The following CDC45 variants were observed in gnomAD, a reference collection of about 807,000 sequenced individuals.
CDC45 encodes the protein cell division control protein 45 homolog.
In CDC45, 54 loss-of-function variants were observed where a neutral mutation model predicts 77.8. The ratio of observed to expected loss-of-function variants is 0.69; its 90% CI spans 0.56 to 0.87. CDC45 has a LOEUF of 0.87. Among genes scored for constraint, CDC45 ranks in the 40% least tolerant of loss-of-function variants. The pLI is 0.00. For synonymous variants in CDC45, 260 were observed against 272.1 expected, an observed-to-expected ratio of 0.96 and a Z score of 0.44; for missense variants, 649 against 721.6, an observed-to-expected ratio of 0.90 and a Z score of 1.15.
intron 5 of CDC45, among the ~76,000 whole-genome samples, chr22:19,490,981 C>T (rs1210260884): frequency 1.3e-5 from 2 of 151,910 alleles, no homozygotes; most frequent in African/African-American, 4.8e-5. Context: ...GTGTGTGCCA[C>T]CATGCCCGGC....
At chr22:19,515,819 C>T (rs1315121534) in intron 15 of CDC45, among the ~76,000 whole-genome samples, 1 of 152,118 alleles carries the variant, frequency 6.6e-6, no homozygotes, top group Non-Finnish European at 1.5e-5. Context: ...TTTCCTCATC[C>T]GTGAAATGGG....
intron 15 of CDC45, among the ~76,000 whole-genome samples, chr22:19,515,463 C>T (rs1933733506): frequency 6.6e-6 from 1 of 152,314 alleles, no homozygotes; most frequent in Middle Eastern, 3.4e-3. Context: ...GTGGAACACA[C>T]TCCTAACTTG....
At position 19,506,361 on chromosome 22, in the gene CDC45, CAGGGA is replaced by C. The variant is rs13447256; in HGVS notation, c.824+881_824+885del. Among the ~76,000 whole-genome samples, 630 of 152,180 alleles carry C rather than the reference CAGGGA, an allele frequency of 4.1e-3. 5 individuals carry two copies. The highest frequency in any genetic ancestry group is 0.014 in the African/African-American group (594 of 41,520). Reference sequence around the variant, plus strand: ...GCGTGGCAGGGTGGGCTCACTTACCCAGGGACCATGGGAGTGTGTGACTGAGACAG... The same window carrying C: ...GCGTGGCAGGGTGGGCTCACTTACCCCCATGGGAGTGTGTGACTGAGACAG... On this transcript the variant is annotated intron_variant, in intron 10 of 18. Coordinates refer to ENST00000263201, the MANE Select transcript of CDC45 (RefSeq NM_003504.5).
chr22:19,509,119 AT>A (rs1933375986), intron 13 of CDC45, among the ~76,000 whole-genome samples: 1 of 152,108 alleles, frequency 6.6e-6, no homozygotes, highest in Non-Finnish European at 1.5e-5. Context: ...GAATGTGACA[AT>A]TTGGATCTTT....
chr22:19,510,136 A>G (rs1933433586), intron 13 of CDC45, among the ~76,000 whole-genome samples: 1 of 151,946 alleles, frequency 6.6e-6, no homozygotes, highest in South Asian at 2.1e-4. Context: ...TAATTTTAAA[A>G]ATTTTTGTAA....
intron 3 of CDC45, among the ~76,000 whole-genome samples, chr22:19,481,631 C>T (rs904178483): frequency 2.0e-5 from 3 of 151,742 alleles, no homozygotes; most frequent in East Asian, 1.9e-4. Flanking sequence ...TGCCCACCTC[C>T]GAAAGTGCTG....
intron 5 of CDC45, among the ~76,000 whole-genome samples, chr22:19,486,692 T>C (rs1317746435): frequency 6.6e-6 from 1 of 152,148 alleles, no homozygotes; most frequent in Non-Finnish European, 1.5e-5. Context: ...GGTATATATA[T>C]ATTTTTTTGA....
chr22:19,508,721 G>A (rs774604117), intron 13 of CDC45, 30 bp downstream of exon 13: 1 of 1,608,358 alleles, frequency 6.2e-7, no homozygotes, highest in South Asian at 1.1e-5. Flanking sequence ...TTTGCCTCAT[G>A]GGGCCACCAC....
At chr22:19,505,215 CT>C in intron 9 of CDC45, 146 bp from the exon 10 acceptor site, 1 of 831,580 alleles carries the variant, frequency 1.2e-6, no homozygotes, top group South Asian at 1.7e-5. Context: ...TCTATGCAGG[CT>C]GCATGTCCTT....
At chr22:19,516,998 C>A in intron 17 of CDC45, 105 bp downstream of exon 17, 2 of 955,872 alleles carry the variant, frequency 2.1e-6, no homozygotes, top group Non-Finnish European at 1.6e-6. Context: ...GCCTGGCCAG[C>A]AGCCCTCTTG....
chr22:19,494,662 A>G (rs957257216), intron 6 of CDC45: 20 of 1,076,312 alleles, frequency 1.9e-5, no homozygotes, highest in African/African-American at 4.7e-5. Context: ...AGTTTTTCCA[A>G]TGTAGATACT....
chr22:19,501,011 T>C (rs902033684), intron 9 of CDC45, among the ~76,000 whole-genome samples: 9 of 152,156 alleles, frequency 5.9e-5, no homozygotes, highest in African/African-American at 2.2e-4. Flanking sequence ...ACACCGTCTC[T>C]ACTAAGAATA....
chr22:19,495,417 G>A (rs1186161318), intron 6 of CDC45, among the ~76,000 whole-genome samples: 5 of 152,150 alleles, frequency 3.3e-5, no homozygotes, highest in African/African-American at 1.2e-4. Context: ...TGTAATTATG[G>A]GACAATTTCT....
Position 19,495,969 on chromosome 22 carries a change from A to C in CDC45, c.543-12A>C, listed in dbSNP as rs370140302. ...ACTTCCTGTTGAAGACCTGCATTTT[A>C]TGTCATTACAGAAGAGACATCCTCT... On this transcript the variant is annotated splice_polypyrimidine_tract_variant and intron_variant, in intron 6 of 18. Coordinates refer to ENST00000263201, the MANE Select transcript of CDC45 (RefSeq NM_003504.5). The C allele has an allele frequency of 1.9e-6, 3 of 1,606,342 alleles. No homozygotes were observed. In the East Asian group the frequency reaches 6.7e-5, roughly 36 times the overall value.
At position 19,505,265 on chromosome 22, in the gene CDC45, C is replaced by G. The variant is rs961917889; in HGVS notation, c.705-97C>G. ...GAACAGCTCCTGTGGTGAGCAGGCC[C>G]CTGAGGAAGGCCTTGAGCGGGAATG... On this transcript the variant is annotated intron_variant, in intron 9 of 18. Coordinates refer to ENST00000263201, the MANE Select transcript of CDC45 (RefSeq NM_003504.5). The G allele has an allele frequency of 7.6e-6, 11 of 1,448,258 alleles. No homozygotes were observed. In the Admixed American group the frequency reaches 1.7e-4, roughly 23 times the overall value. 89.7% of individuals were successfully genotyped at this position (1,448,258 alleles called of 1,614,324 possible). A position where few individuals can be genotyped will look rare whatever the true frequency, so the allele number is the denominator to read the frequency against.
Position 19,508,639 on chromosome 22 carries a change from A to G in CDC45, c.1165A>G (p.Lys389Glu), listed in dbSNP as rs147166441. The change falls in exon 13 of 19, where the codon AAG becomes GAG. Residue 389 changes from lysine to glutamate, a missense_variant. Coordinates refer to ENST00000263201, the MANE Select transcript of CDC45 (RefSeq NM_003504.5). ...ATMSLMESPE[K>E]DGSGTDHFIQ... ...CATGTCTTTGATGGAGAGCCCCGAG[A>G]AGGATGGCTCAGGGACAGATCACTT... 1.9e-6 allele frequency: 3 copies of G among 1,614,040 alleles called. No homozygotes were observed. Among genetic ancestry groups the G allele is most frequent in the African/African-American group, 2.7e-5 (2 of 74,914 alleles).
chr22:19,516,971 T>A (rs1157480638), intron 17 of CDC45, 78 bp downstream of exon 17: 9 of 1,252,588 alleles, frequency 7.2e-6, no homozygotes, highest in Non-Finnish European at 1.0e-5. Flanking sequence ...ACCAAGCAAG[T>A]TGGCATGGCT....
At chr22:19,489,546 C>G (rs1176260450) in intron 5 of CDC45, among the ~76,000 whole-genome samples, 2 of 152,190 alleles carry the variant, frequency 1.3e-5, no homozygotes, top group Admixed American at 6.5e-5. Flanking sequence ...CTTGGAGATT[C>G]ATCCATGTTT....
At chr22:19,515,165 T>A in intron 15 of CDC45, 117 bp downstream of exon 15, 1 of 837,986 alleles carries the variant, frequency 1.2e-6, no homozygotes, top group Non-Finnish European at 1.8e-6. Flanking sequence ...CTGCAAGGTC[T>A]AGGCACATCC....
Sources: gnomAD v4.1 joint callset for allele counts (sites outside exome capture counted in the v4.1 genomes callset) on GRCh38, gnomAD v4.1.1 for gene constraint, MANE v1.5 for transcripts, NCBI Gene and HGNC (gene_info 2026-07-23, HGNC 2026-07-21) for gene names.